Variants in SLC38A6 observed in about 807,000 individuals in gnomAD.
SLC38A6 encodes the protein solute carrier family 38 member 6.
A neutral mutation model predicts 65.0 loss-of-function variants in SLC38A6; 73 were observed. The observed-to-expected ratio is 1.12, with a 90% confidence interval of 0.93 to 1.37. The LOEUF (loss-of-function observed/expected upper bound fraction) is 1.37, where lower values mean the gene tolerates loss of function less well. SLC38A6 is among the 40% of genes most tolerant of loss of function. SLC38A6 has a pLI of 0.00. For missense variants in SLC38A6, 561 were observed against 531.1 expected, an observed-to-expected ratio of 1.06 and a Z score of -0.55; for synonymous variants, 183 against 178.8, an observed-to-expected ratio of 1.02 and a Z score of -0.19.
In SLC38A6 at chr14:61,030,395, T is replaced by C. The variant is rs747849790; in HGVS notation, c.404-50T>C. Reference sequence around the variant, plus strand: ...TTTCCTAGATGGATTATTGTTTAAATGGTTAAGAATCATAGAATTCTAATA... The same window carrying C: ...TTTCCTAGATGGATTATTGTTTAAACGGTTAAGAATCATAGAATTCTAATA... On this transcript the variant is annotated intron_variant, in intron 5 of 15. Transcript: ENST00000267488. 5.1e-6 allele frequency: 7 copies of C among 1,367,326 alleles called. No individual in the cohort carries two copies. The South Asian group carries it at 8.9e-5, about 17-fold the overall frequency. 84.7% of individuals were successfully genotyped at this position (1,367,326 alleles called of 1,614,324 possible).
intron 15 of SLC38A6, among the ~76,000 whole-genome samples, chr14:61,071,576 C>A (rs1247874819): frequency 6.6e-6 from 1 of 151,274 alleles, no homozygotes; most frequent in African/African-American, 2.4e-5. Flanking sequence ...GAGCTACTTG[C>A]GAGGCTGAGG....
intron 4 of SLC38A6, among the ~76,000 whole-genome samples, chr14:61,016,602 A>G (rs2040027761): frequency 6.6e-6 from 1 of 152,232 alleles, no homozygotes; most frequent in South Asian, 2.1e-4. Flanking sequence ...TTTAATAGGT[A>G]GAGAAAAATA....
At chr14:61,008,796 A>T (rs2039338278) in intron 3 of SLC38A6, among the ~76,000 whole-genome samples, 1 of 152,212 alleles carries the variant, frequency 6.6e-6, no homozygotes, top group Admixed American at 6.5e-5. Flanking sequence ...TGAACACATT[A>T]TCATCATTCT....
chr14:61,053,785 A>C (rs2139880026), downstream of SLC38A6, among the ~76,000 whole-genome samples: 1 of 152,286 alleles, frequency 6.6e-6, no homozygotes, highest in South Asian at 2.1e-4. Context: ...GCCGGATATT[A>C]GACCTTTGTT....
At chr14:61,026,828 A>C (rs1401872939) in intron 5 of SLC38A6, among the ~76,000 whole-genome samples, 1 of 152,028 alleles carries the variant, frequency 6.6e-6, no homozygotes, top group East Asian at 1.9e-4. Context: ...GTTTGTGTAA[A>C]GATTAAGTGA....
At chr14:61,076,527 T>C (rs2043425335) in intron 15 of SLC38A6, among the ~76,000 whole-genome samples, 1 of 152,232 alleles carries the variant, frequency 6.6e-6, no homozygotes, top group Non-Finnish European at 1.5e-5. Flanking sequence ...TAAGATGCCA[T>C]CCTAAGAATA....
At chr14:61,030,551 C>G (rs1018169570) in intron 6 of SLC38A6, 28 bp downstream of exon 6, 2 of 1,459,586 alleles carry the variant, frequency 1.4e-6, no homozygotes, top group Non-Finnish European at 1.9e-6. Context: ...ACATTGTGTC[C>G]GTTCATGTAT....
intron 3 of SLC38A6, among the ~76,000 whole-genome samples, chr14:61,006,921 G>C (rs1159442497): frequency 3.9e-5 from 6 of 152,094 alleles, no homozygotes; most frequent in South Asian, 2.1e-4. Flanking sequence ...TTGGAACCAA[G>C]CCAAATGTCC....
chr14:60,981,421 C>G (rs1387812632), intron 1 of SLC38A6, 39 bp downstream of exon 1: 4 of 1,555,336 alleles, frequency 2.6e-6, no homozygotes, highest in African/African-American at 1.4e-5. Context: ...CTGACGCCCT[C>G]CGGCTTCCCT....
At chr14:61,024,082 A>C (rs1305793138) in intron 5 of SLC38A6, among the ~76,000 whole-genome samples, 1 of 152,198 alleles carries the variant, frequency 6.6e-6, no homozygotes, top group Non-Finnish European at 1.5e-5. Flanking sequence ...TATAGTTTTT[A>C]GGAAAGCGTC....
Position 61,045,412 on chromosome 14 carries a change from T to G in SLC38A6, c.811T>G (p.Cys271Gly). ...CCATACCTCAATATTGCCCATATACTGTGAACTTCAAAGGTACTGTAGAAT... is the reference window on the plus strand; with the variant it reads ...CCATACCTCAATATTGCCCATATACGGTGAACTTCAAAGGTACTGTAGAAT... ...LCHTSILPIY[C>G]ELQSPSKKRM... Residue 271 changes from cysteine to glycine, a missense_variant, in exon 11 of 16, where the codon TGT (cysteine) becomes GGT (glycine). Cys to Gly is a radical substitution (Grantham distance 159). Coordinates refer to ENST00000267488, the MANE Select transcript of SLC38A6 (RefSeq NM_153811.3). 1 of 1,611,288 alleles carries G rather than the reference T, an allele frequency of 6.2e-7. No individual in the cohort carries two copies. Among genetic ancestry groups the G allele is most frequent in the Non-Finnish European group, 8.5e-7 (1 of 1,177,702 alleles).
At chr14:61,015,850 C>G in intron 3 of SLC38A6, 54 bp from the exon 4 acceptor site, 1 of 1,417,302 alleles carries the variant, frequency 7.1e-7, no homozygotes, top group South Asian at 1.3e-5. Context: ...CTCTTTAGGA[C>G]CTGACACATA....
At chr14:60,998,280 C>T (rs2038435059) in intron 3 of SLC38A6, among the ~76,000 whole-genome samples, 2 of 151,844 alleles carry the variant, frequency 1.3e-5, no homozygotes, top group Non-Finnish European at 2.9e-5. Context: ...TTCTGCCTGC[C>T]ATCCCCGCAT....
chr14:61,077,919 TTATTC>T (rs769424019), intron 15 of SLC38A6, among the ~76,000 whole-genome samples: 1 of 152,232 alleles, frequency 6.6e-6, no homozygotes, highest in Admixed American at 6.5e-5. Context: ...ATCTAGAACT[TTATTC>T]TGGCGAGAGC....
chr14:61,051,916 G>A lies in SLC38A6; in HGVS notation c.1180G>A (p.Val394Ile). Residue 394 changes from valine to isoleucine, a missense_variant, in exon 14 of 16, where the codon GTA becomes ATA. By Grantham distance (29) the Val-to-Ile change is conservative. Coordinates refer to ENST00000267488, the MANE Select transcript of SLC38A6 (RefSeq NM_153811.3). ...AATATATGTTCCTGACATTAGAAAT[G>A]TATTTGGTGTAGTTGGTAAGTTTTC... ...LAIYVPDIRN[V>I]FGVVGASTST... 6.2e-7 allele frequency: 1 copy of A among 1,609,424 alleles called. No homozygotes were observed. The highest frequency in any genetic ancestry group is 1.1e-5 in the South Asian group (1 of 89,454).
chr14:60,995,113 AAT>A (rs1395566826), intron 3 of SLC38A6, among the ~76,000 whole-genome samples: 1 of 152,162 alleles, frequency 6.6e-6, no homozygotes, highest in African/African-American at 2.4e-5. Context: ...GTGATCCAGC[AAT>A]TCCTCTTCTG....
At chr14:60,986,851 G>A (rs770412476) in intron 3 of SLC38A6, among the ~76,000 whole-genome samples, 3 of 152,078 alleles carry the variant, frequency 2.0e-5, no homozygotes, top group African/African-American at 4.8e-5. Flanking sequence ...TTTAATTTAA[G>A]TAAAATGTTT....
At chr14:61,009,373 A>C (rs1192533523) in intron 3 of SLC38A6, among the ~76,000 whole-genome samples, 1 of 151,974 alleles carries the variant, frequency 6.6e-6, no homozygotes, top group Non-Finnish European at 1.5e-5. Context: ...TTTGCTTAGG[A>C]AAAAGGGGAA....
chr14:61,011,732 C>T (rs750010810), intron 3 of SLC38A6, among the ~76,000 whole-genome samples: 8 of 152,046 alleles, frequency 5.3e-5, no homozygotes, highest in South Asian at 2.1e-4. Context: ...GGGATGAAGC[C>T]GACTTGATTA....
Sources: allele counts gnomAD v4.1 joint callset (sites outside exome capture counted in the v4.1 genomes callset), GRCh38; gene constraint gnomAD v4.1.1; transcripts MANE v1.5; gene names NCBI Gene and HGNC (gene_info 2026-07-23, HGNC 2026-07-21).